Variants in PPARGC1A observed in about 807,000 individuals in gnomAD.
PPARGC1A encodes the protein PPARG coactivator 1 alpha.
PPARGC1A carries 25 observed loss-of-function variants against 88.7 expected under a neutral mutation model. That is an observed-to-expected ratio of 0.28 (90% CI 0.21 to 0.39). The LOEUF is 0.39. Among genes scored for constraint, PPARGC1A ranks in the 10% least tolerant of loss-of-function variants. PPARGC1A has a pLI of 1.00. For missense variants in PPARGC1A, 880 were observed against 968.7 expected, an observed-to-expected ratio of 0.91 and a Z score of 1.22; for synonymous variants, 363 against 355.6, an observed-to-expected ratio of 1.02 and a Z score of -0.24.
chr4:24,245,037 GGAAGA>G, the PPARGC1A span, among the ~76,000 whole-genome samples: 1 of 152,162 alleles, frequency 6.6e-6, no homozygotes, highest in East Asian at 1.9e-4. Context: ...AAAAAAAAGA[GGAAGA>G]GAGAAGGAGA....
the PPARGC1A span, among the ~76,000 whole-genome samples, chr4:24,419,570 C>G: frequency 6.6e-6 from 1 of 151,362 alleles, no homozygotes; most frequent in South Asian, 2.1e-4. Flanking sequence ...ATGCCACAGC[C>G]GAACTATGTA....
chr4:24,016,036 C>T, the PPARGC1A span, among the ~76,000 whole-genome samples: 1 of 152,102 alleles, frequency 6.6e-6, no homozygotes, highest in Non-Finnish European at 1.5e-5. Flanking sequence ...AAAATCACTG[C>T]CAATAGAGTG....
At position 23,813,784 on chromosome 4, in the gene PPARGC1A, A is replaced by C; in HGVS notation, c.1699T>G (p.Ser567Ala). The change falls in exon 8 of 13, where the codon TCT (serine) becomes GCT (alanine). Residue 567 changes from serine (S) to alanine (A), a missense_variant. Transcript: ENST00000264867. ...TGTCGAGAAAAGGACCTTGAACGAGAGCGCATCCTTTGGGGTCTTTGAGAA... is the reference window on the plus strand; with the variant it reads ...TGTCGAGAAAAGGACCTTGAACGAGCGCGCATCCTTTGGGGTCTTTGAGAA... ...LFSQRPQRMRSRSRSFSRHRS... is the reference protein window; with the variant it reads ...LFSQRPQRMRARSRSFSRHRS... The C allele has an allele frequency of 2.5e-6, 4 of 1,613,376 alleles. No homozygotes were observed. Among genetic ancestry groups the C allele is most frequent in the Non-Finnish European group, 3.4e-6 (4 of 1,179,310 alleles).
chr4:23,910,853 A>C, the PPARGC1A span, among the ~76,000 whole-genome samples: 1 of 152,100 alleles, frequency 6.6e-6, no homozygotes, highest in African/African-American at 2.4e-5. Context: ...CAGAGAATTA[A>C]GTAACTTGCT....
the PPARGC1A span, among the ~76,000 whole-genome samples, chr4:24,265,360 C>T: frequency 6.6e-6 from 1 of 152,072 alleles, no homozygotes; most frequent in Non-Finnish European, 1.5e-5. Context: ...GGGGAAATGT[C>T]GGCAACATCT....
chr4:24,342,733 C>T, the PPARGC1A span, among the ~76,000 whole-genome samples: 1 of 152,142 alleles, frequency 6.6e-6, no homozygotes, highest in Non-Finnish European at 1.5e-5. Context: ...AGTTTCAGGA[C>T]AACTGAAAAA....
At chr4:23,911,737 C>T in the PPARGC1A span, among the ~76,000 whole-genome samples, 1 of 151,968 alleles carries the variant, frequency 6.6e-6, no homozygotes, top group African/African-American at 2.4e-5. Flanking sequence ...TATATATATA[C>T]TAACATGCAT....
chr4:23,925,541 T>C, the PPARGC1A span, among the ~76,000 whole-genome samples: 3 of 152,084 alleles, frequency 2.0e-5, no homozygotes, highest in Non-Finnish European at 4.4e-5. Flanking sequence ...ATAAAAGAGA[T>C]TGAGGACAAA....
chr4:23,972,755 T>G, the PPARGC1A span, among the ~76,000 whole-genome samples: 5 of 152,236 alleles, frequency 3.3e-5, no homozygotes, highest in Non-Finnish European at 7.3e-5. Context: ...CAAATTTATC[T>G]GAGCACAGAA....
chr4:24,145,492 T>G, the PPARGC1A span, among the ~76,000 whole-genome samples: 1 of 152,222 alleles, frequency 6.6e-6, no homozygotes, highest in Non-Finnish European at 1.5e-5. Flanking sequence ...TTGACTCTAT[T>G]GCTGAGTTGT....
the PPARGC1A span, among the ~76,000 whole-genome samples, chr4:24,461,579 TATC>T: frequency 2.6e-5 from 4 of 152,034 alleles, no homozygotes; most frequent in East Asian, 1.9e-4. Context: ...TGCACGCACA[TATC>T]ATCCGTCTAT....
the PPARGC1A span, among the ~76,000 whole-genome samples, chr4:24,073,542 C>T: frequency 2.0e-3 from 307 of 152,276 alleles, 4 homozygotes; most frequent in East Asian, 0.011. Flanking sequence ...TCAAGTGAAA[C>T]AAGCCAACAA....
At chr4:24,400,666 G>T in the PPARGC1A span, among the ~76,000 whole-genome samples, 1 of 152,172 alleles carries the variant, frequency 6.6e-6, no homozygotes. Context: ...GCTTTAATCT[G>T]TAGGTGTCTA....
At chr4:24,345,414 T>A in the PPARGC1A span, among the ~76,000 whole-genome samples, 1 of 152,208 alleles carries the variant, frequency 6.6e-6, no homozygotes, top group Non-Finnish European at 1.5e-5. Flanking sequence ...TCCTATTTGT[T>A]TGTGTCATCC....
intron 2 of PPARGC1A, among the ~76,000 whole-genome samples, chr4:23,866,778 TA>T (rs1219896784): frequency 6.6e-6 from 1 of 152,216 alleles, no homozygotes; most frequent in African/African-American, 2.4e-5. Flanking sequence ...CTTTTTTTTT[TA>T]GCTTGGCTTG....
At chr4:23,889,392 C>T (rs1717451348) in intron 1 of PPARGC1A, 1 of 982,844 alleles carries the variant, frequency 1.0e-6, no homozygotes, top group Non-Finnish European at 1.2e-6. Context: ...TCTAAAATAG[C>T]CCAGCAGGAT....
chr4:24,157,858 C>T, the PPARGC1A span, among the ~76,000 whole-genome samples: 1 of 152,080 alleles, frequency 6.6e-6, no homozygotes. Flanking sequence ...CCACAATTCT[C>T]CCTCTCTACT....
chr4:24,156,269 C>T, the PPARGC1A span, among the ~76,000 whole-genome samples: 3 of 152,076 alleles, frequency 2.0e-5, no homozygotes, highest in Non-Finnish European at 4.4e-5. Context: ...GGGAATATTC[C>T]AATTAACATA....
At chr4:24,362,265 G>C in the PPARGC1A span, among the ~76,000 whole-genome samples, 3 of 152,090 alleles carry the variant, frequency 2.0e-5, no homozygotes, top group African/African-American at 4.8e-5. Flanking sequence ...CCCTAAAATA[G>C]AGGTTCCAGA....
Sources: allele counts gnomAD v4.1 joint callset (sites outside exome capture counted in the v4.1 genomes callset), GRCh38; gene constraint gnomAD v4.1.1; transcripts MANE v1.5; gene names NCBI Gene and HGNC (gene_info 2026-07-23, HGNC 2026-07-21).